The following TRPV4 variants were observed in gnomAD, a reference collection of about 807,000 sequenced individuals.
TRPV4 encodes OSM9-like transient receptor potential channel 4.
TRPV4 carries 58 observed loss-of-function variants against 84.1 expected under a neutral mutation model. The ratio of observed to expected loss-of-function variants is 0.69; its 90% confidence interval spans 0.56 to 0.86. The LOEUF (loss-of-function observed/expected upper bound fraction) is 0.86. Ranked by LOEUF, TRPV4 falls within the 40% of genes least tolerant of loss-of-function variation. The pLI is 0.00. For synonymous variants in TRPV4, 489 were observed against 500.9 expected (o/e 0.98, Z 0.32); for missense variants, 879 against 1,181.1 (o/e 0.74, Z 3.75).
chr12:109,808,736 C>G (rs1891304389), intron 2 of TRPV4, among the ~76,000 whole-genome samples: 1 of 151,530 alleles, frequency 6.6e-6, no homozygotes, highest in Non-Finnish European at 1.5e-5. Flanking sequence ...TCCACACATC[C>G]ACTCACCGAC....
At chr12:109,821,843 C>A (rs1230314409) in intron 1 of TRPV4, among the ~76,000 whole-genome samples, 1 of 152,110 alleles carries the variant, frequency 6.6e-6, no homozygotes, top group East Asian at 1.9e-4. Context: ...ATATATTATT[C>A]TTTGATTCAT....
In TRPV4 at chr12:109,800,672, G is replaced by A. The variant is rs1323996959; in HGVS notation, c.799C>T (p.Gln267Ter). The change falls in exon 5 of 16, where the codon CAG becomes TAG. Residue 267 changes from glutamine (Q) to a stop codon, truncating the protein, a stop_gained. Coordinates refer to ENST00000261740, the MANE Select transcript of TRPV4 (RefSeq NM_021625.5). LOFTEE classifies it high-confidence loss of function. ...GGCTGGAAGAAGCGCCCACGGGCCT[G>A]GGCGTGGACATCAGCTCCCTGGGCC... ...LVAQGADVHAQARGRFFQPKD... is the reference protein window; with the variant it reads ...LVAQGADVHA The A allele has an allele frequency of 3.1e-6, 5 of 1,614,206 alleles. No individual in the cohort carries two copies. The highest frequency in any genetic ancestry group is 1.3e-5 in the African/African-American group (1 of 75,078).
intron 1 of TRPV4, among the ~76,000 whole-genome samples, chr12:109,821,692 G>A (rs1378595839): frequency 6.6e-6 from 1 of 151,812 alleles, no homozygotes; most frequent in East Asian, 1.9e-4. Flanking sequence ...CACAACACCC[G>A]GCTAATTTTT....
In TRPV4 at chr12:109,798,028, C is replaced by T. The variant is rs1443549048; in HGVS notation, c.1152+586G>A. Among the ~76,000 whole-genome samples the T allele has an allele frequency of 1.3e-5, 2 of 152,200 alleles. No homozygotes were observed. The highest frequency in any genetic ancestry group is 2.9e-5 in the Non-Finnish European group (2 of 68,044). The stretch of plus-strand genomic sequence containing the variant: ...CCTCTAGCATACTCCAGACTTGGTT[C>T]CCAATCCAGCGATGGTGCCCCCCAG... On this transcript the variant is annotated intron_variant, in intron 6 of 15. Coordinates refer to ENST00000261740, the MANE Select transcript of TRPV4 (RefSeq NM_021625.5). The surrounding 1 kb of genome is among the most constrained non-coding windows in gnomAD (Gnocchi z 5.0).
Position 109,820,516 on chromosome 12 carries a change from ATTTTTTTTT to A in TRPV4, c.-31-5698_-31-5690del, listed in dbSNP as rs1166251387. Among the ~76,000 whole-genome samples, 333 of 92,412 alleles carry A rather than the reference ATTTTTTTTT, an allele frequency of 3.6e-3. 1 individual carries two copies. Among genetic ancestry groups the A allele is most frequent in the Admixed American group, 7.8e-3 (57 of 7,268 alleles). The allele number at this position is 92,412 out of a possible 152,430, so 60.6% of individuals were successfully genotyped here. On this transcript the variant is annotated intron_variant, in intron 1 of 15. Transcript: ENST00000261740. ...GATCTTCACTTTCTTCAGCTGCCCT[ATTTTTTTTT>A]TTTTTTTTTTTTTTTTGAGACGGAG...
chr12:109,788,394 C>T lies in TRPV4; in HGVS notation c.2208+6G>A. 1.2e-6 allele frequency: 2 copies of T among 1,612,282 alleles called. No homozygotes were observed. The highest frequency in any genetic ancestry group is 1.7e-6 in the Non-Finnish European group (2 of 1,179,356). ...TAGAGTGGGGCTGGGGGCCCTGGGG[C>T]CTCACCTGCAGCTTCCAGATGTGCT... On this transcript the variant is annotated splice_donor_region_variant and intron_variant, in intron 13 of 15. Coordinates refer to ENST00000261740, the MANE Select transcript of TRPV4 (RefSeq NM_021625.5).
At chr12:109,828,121 T>C (rs1351782993) in intron 1 of TRPV4, among the ~76,000 whole-genome samples, 1 of 152,010 alleles carries the variant, frequency 6.6e-6, no homozygotes, top group Admixed American at 6.6e-5. Flanking sequence ...ACCAAAGAAA[T>C]AGAAGGATAT....
intron 1 of TRPV4, among the ~76,000 whole-genome samples, chr12:109,822,212 A>AGGGGGGGGGGGAAGGGGGGG (rs1892126164): frequency 7.9e-5 from 1 of 12,674 alleles, no homozygotes; most frequent in Non-Finnish European, 1.4e-4. Context: ...GGCAGTGGGG[A>AGGGGGGGGGGGAAGGGGGGG]GGTGGGTGGG....
At chr12:109,804,353 T>C (rs927685794) in intron 3 of TRPV4, among the ~76,000 whole-genome samples, 1 of 152,078 alleles carries the variant, frequency 6.6e-6, no homozygotes, top group Non-Finnish European at 1.5e-5. Context: ...GACGCAGGTG[T>C]GGGTTCAGGT....
chr12:109,799,033 C>A, intron 5 of TRPV4, 121 bp from the exon 6 acceptor site: 1 of 971,892 alleles, frequency 1.0e-6, no homozygotes. Flanking sequence ...ACAGCACCAG[C>A]AGTGGATATG....
At chr12:109,813,946 A>C (rs1891691193) in intron 2 of TRPV4, among the ~76,000 whole-genome samples, 1 of 151,934 alleles carries the variant, frequency 6.6e-6, no homozygotes, top group Admixed American at 6.6e-5. Context: ...GGACAGATGG[A>C]AGGATGATGT....
At chr12:109,799,395 G>A (rs926880318) in intron 5 of TRPV4, among the ~76,000 whole-genome samples, 10 of 152,036 alleles carry the variant, frequency 6.6e-5, no homozygotes, top group Non-Finnish European at 1.5e-4. Context: ...GTGATCCGCC[G>A]ACCTCGGCCT....
intron 15 of TRPV4, 112 bp downstream of exon 15, chr12:109,784,204 C>G: frequency 1.3e-6 from 2 of 1,543,470 alleles, no homozygotes; most frequent in Non-Finnish European, 1.8e-6. Context: ...GGGGCACACT[C>G]TCTCATTCTG....
At chr12:109,799,551 C>A (rs1039699451) in intron 5 of TRPV4, among the ~76,000 whole-genome samples, 1 of 152,182 alleles carries the variant, frequency 6.6e-6, no homozygotes, top group African/African-American at 2.4e-5. Context: ...GTGATGACAA[C>A]GGCAGTGGTG....
Position 109,814,644 on chromosome 12 carries a change from C to A in TRPV4, c.153G>T (p.Pro51=). 6.2e-7 allele frequency: 1 copy of A among 1,613,722 alleles called. No homozygotes were observed. Among genetic ancestry groups the A allele is most frequent in the Non-Finnish European group, 8.5e-7 (1 of 1,179,944 alleles). The change falls in exon 2 of 16, where the codon CCG becomes CCT. Residue 51 remains proline, a synonymous_variant. Transcript: ENST00000261740. This position sits in a 1 kb window ranked among gnomAD's most constrained non-coding sequence, Gnocchi z 5.4. ...GGCCAGCAGGGCGACTGGCATCAGCCGGTGAGGGCGAAAGGGAGCCATCCT... is the reference window on the plus strand; with the variant it reads ...GGCCAGCAGGGCGACTGGCATCAGCAGGTGAGGGCGAAAGGGAGCCATCCT... The part of the protein sequence containing the change: ...EGEDGSLSPS[P]ADASRPAGPG...
chr12:109,796,078 A>G lies in TRPV4; in HGVS notation c.1332+447T>C, dbSNP rs1338582371. ...CTGACCGAAAAAAAAGAGCTTTCAA[A>G]AGTTCATATAACAACCATGAGTAGT... On this transcript the variant is annotated intron_variant, in intron 7 of 15. Transcript: ENST00000261740. This position sits in a 1 kb window ranked among gnomAD's most constrained non-coding sequence, Gnocchi z 4.2. 1.3e-5 allele frequency among the ~76,000 whole-genome samples: 2 copies of G among 152,138 alleles called. No homozygotes were observed. The highest frequency in any genetic ancestry group is 2.9e-5 in the Non-Finnish European group (2 of 68,016).
In TRPV4 at chr12:109,783,207, A is replaced by C; in HGVS notation, c.*414T>G. The C allele has an allele frequency of 5.4e-6, 1 of 185,456 alleles. No individual in the cohort carries two copies. Among genetic ancestry groups the C allele is most frequent in the Admixed American group, 5.7e-5 (1 of 17,464 alleles). The allele number at this position is 185,456 out of a possible 1,614,324, so 11.5% of individuals were successfully genotyped here. A position where few individuals can be genotyped will look rare whatever the true frequency, so the allele number is the denominator to read the frequency against. On this transcript the variant is annotated 3_prime_UTR_variant, in exon 16 of 16. Coordinates refer to ENST00000261740, the MANE Select transcript of TRPV4 (RefSeq NM_021625.5). The surrounding 1 kb of genome is among the most constrained non-coding windows in gnomAD (Gnocchi z 4.6). ...CCTTGCAAAGCTGCCACGCTGCCAA[A>C]AATGGTGGCGCATGCAGCTCAGGCG...
chr12:109,788,091 G>C (rs1238537108), intron 13 of TRPV4, among the ~76,000 whole-genome samples: 1 of 152,196 alleles, frequency 6.6e-6, no homozygotes, highest in African/African-American at 2.4e-5. Context: ...GATGCCCACG[G>C]AGCACTTTCT....
chr12:109,824,548 A>C (rs1411578881), intron 1 of TRPV4, among the ~76,000 whole-genome samples: 1 of 151,714 alleles, frequency 6.6e-6, no homozygotes, highest in Non-Finnish European at 1.5e-5. Context: ...TTGAGGTCAG[A>C]AGTTCAAGAC....
Sources: allele counts gnomAD v4.1 joint callset (sites outside exome capture counted in the v4.1 genomes callset), GRCh38; gene constraint gnomAD v4.1.1; non-coding constraint Gnocchi (gnomAD v3.1); transcripts MANE v1.5; gene names NCBI Gene and HGNC (gene_info 2026-07-23, HGNC 2026-07-21).